The following EIF3H variants were observed in gnomAD, a reference collection of about 807,000 sequenced individuals.
The protein encoded by EIF3H is eukaryotic translation initiation factor 3 subunit H, also known as eIF-3-gamma.
EIF3H carries 26 observed loss-of-function variants against 44.2 expected under a neutral mutation model. The ratio of observed to expected loss-of-function variants is 0.59; its 90% CI spans 0.43 to 0.82. EIF3H has a LOEUF of 0.82. Ranked by LOEUF, EIF3H falls within the 40% of genes least tolerant of loss-of-function variation. The pLI is 0.00. For synonymous variants in EIF3H, 166 were observed against 151.9 expected (o/e 1.09, Z -0.68); for missense variants, 359 against 432.8 (o/e 0.83, Z 1.51).
chr8:116,757,013 A>G (rs886780614), upstream of EIF3H, among the ~76,000 whole-genome samples: 2 of 152,240 alleles, frequency 1.3e-5, no homozygotes, highest in African/African-American at 4.8e-5. Flanking sequence ...CTACTTATAA[A>G]CAATAATACA....
chr8:116,705,302 G>A (rs530775826), intron 2 of EIF3H, among the ~76,000 whole-genome samples: 1 of 152,216 alleles, frequency 6.6e-6, no homozygotes, highest in South Asian at 2.1e-4. Context: ...AAGGAGAAAA[G>A]CTGTTCAAGT....
At chr8:116,706,290 C>A (rs1406683690) in intron 2 of EIF3H, among the ~76,000 whole-genome samples, 1 of 152,186 alleles carries the variant, frequency 6.6e-6, no homozygotes, top group East Asian at 1.9e-4. Context: ...TTTATTCAGA[C>A]AGATTAACCT....
chr8:116,725,978 A>G, intron 2 of EIF3H, 38 bp downstream of exon 2: 1 of 1,594,772 alleles, frequency 6.3e-7, no homozygotes. Context: ...ATCCATTTGT[A>G]TGCACTGCAA....
chr8:116,675,249 G>A (rs1387274888), intron 2 of EIF3H, among the ~76,000 whole-genome samples: 1 of 152,178 alleles, frequency 6.6e-6, no homozygotes, highest in Non-Finnish European at 1.5e-5. Flanking sequence ...ATATGTCACT[G>A]AAATTCCTAT....
At chr8:116,739,243 A>G (rs990329798) in intron 1 of EIF3H, among the ~76,000 whole-genome samples, 3 of 152,260 alleles carry the variant, frequency 2.0e-5, no homozygotes, top group African/African-American at 4.8e-5. Context: ...TCTGCTGCAG[A>G]TAACTAGCCA....
chr8:116,695,956 T>C (rs1174305072), intron 2 of EIF3H, among the ~76,000 whole-genome samples: 1 of 152,224 alleles, frequency 6.6e-6, no homozygotes, highest in Non-Finnish European at 1.5e-5. Context: ...GCTATCAGTG[T>C]AAACTCATGG....
intron 1 of EIF3H, among the ~76,000 whole-genome samples, chr8:116,732,198 C>A (rs1466341936): frequency 6.6e-6 from 1 of 151,976 alleles, no homozygotes; most frequent in Non-Finnish European, 1.5e-5. Flanking sequence ...GAACACAATG[C>A]TACTTTTTAA....
chr8:116,655,099 A>G (rs1207266438), intron 5 of EIF3H, among the ~76,000 whole-genome samples: 1 of 152,032 alleles, frequency 6.6e-6, no homozygotes, highest in Non-Finnish European at 1.5e-5. Flanking sequence ...CACCACAGAC[A>G]AAATAATCAC....
intron 1 of EIF3H, among the ~76,000 whole-genome samples, chr8:116,727,345 G>A (rs954692103): frequency 6.6e-6 from 1 of 152,204 alleles, no homozygotes; most frequent in African/African-American, 2.4e-5. Flanking sequence ...GAAAAAGGGA[G>A]CAAAGGGAAA....
chr8:116,655,732 T>G, intron 5 of EIF3H, 124 bp downstream of exon 5: 1 of 1,020,198 alleles, frequency 9.8e-7, no homozygotes, highest in South Asian at 1.4e-5. Context: ...ATGTTATACA[T>G]GTTTTAAGAA....
Position 116,723,202 on chromosome 8 carries a change from C to A in EIF3H, c.289+2814G>T, listed in dbSNP as rs556006878. ...ACCAACCCAGTAACCAAACAAAAAA[C>A]TTAAACCTCTCAAGCTCCTCACTTG... On this transcript the variant is annotated intron_variant, in intron 2 of 7. Coordinates refer to ENST00000521861, the MANE Select transcript of EIF3H (RefSeq NM_003756.3). Among the ~76,000 whole-genome samples the A allele has an allele frequency of 5.9e-5, 9 of 152,288 alleles. 1 individual carries two copies. The South Asian group carries it at 1.9e-3, about 32-fold the overall frequency.
upstream of EIF3H, among the ~76,000 whole-genome samples, chr8:116,760,064 T>C (rs1047186550): frequency 1.3e-5 from 2 of 152,148 alleles, no homozygotes; most frequent in African/African-American, 2.4e-5. Flanking sequence ...AAGAGGGAAA[T>C]ATATGCTATC....
chr8:116,658,936 T>C lies in EIF3H; in HGVS notation c.334A>G (p.Ile112Val). ...TACCAGCCCACGTGAAGATGATCAA[T>C]GTTTACATGGCGAAGGCTCCGCATC... ...EMMRSLRHVN[I>V]DHLHVGWYQS... is the part of the protein sequence containing the mutation. Residue 112 changes from isoleucine to valine, a missense_variant, in exon 3 of 8, where the codon ATT becomes GTT. Around this residue, in one of 5 missense-constraint regions of EIF3H, gnomAD observed 91 missense variants for 164.6 expected, o/e 0.55. Coordinates refer to ENST00000521861, the MANE Select transcript of EIF3H (RefSeq NM_003756.3). The C allele has an allele frequency of 2.5e-6, 4 of 1,613,566 alleles. No individual in the cohort carries two copies. Among genetic ancestry groups the C allele is most frequent in the Non-Finnish European group, 3.4e-6 (4 of 1,179,698 alleles).
chr8:116,688,992 T>C, intron 2 of EIF3H: 2 of 371,138 alleles, frequency 5.4e-6, no homozygotes, highest in Non-Finnish European at 1.1e-5. Context: ...TCCACACAAT[T>C]TTGTACACAC....
chr8:116,715,456 T>C (rs915741874), intron 2 of EIF3H, among the ~76,000 whole-genome samples: 2 of 152,116 alleles, frequency 1.3e-5, no homozygotes, highest in Non-Finnish European at 2.9e-5. Flanking sequence ...GATATTATTT[T>C]AATTCCCCTA....
At chr8:116,725,899 T>C (rs1307624307) in intron 2 of EIF3H, 117 bp downstream of exon 2, 1 of 1,239,228 alleles carries the variant, frequency 8.1e-7, no homozygotes, top group Non-Finnish European at 1.1e-6. Context: ...AGACATCAAG[T>C]GAAGTAGGCT....
At chr8:116,649,076 T>C (rs1813349947) in intron 5 of EIF3H, 150 bp from the exon 6 acceptor site, 2 of 619,348 alleles carry the variant, frequency 3.2e-6, no homozygotes, top group East Asian at 3.2e-5. Context: ...GAGGAAAAAA[T>C]CTGAGTCAAC....
chr8:116,682,103 T>C (rs747957546), intron 2 of EIF3H, among the ~76,000 whole-genome samples: 3 of 152,138 alleles, frequency 2.0e-5, no homozygotes, highest in Non-Finnish European at 4.4e-5. Flanking sequence ...GCAGCGTCCA[T>C]CCACTACAGA....
In EIF3H at chr8:116,713,669, T is replaced by C. The variant is rs571954108; in HGVS notation, c.289+12347A>G. On this transcript the variant is annotated intron_variant, in intron 2 of 7. Coordinates refer to ENST00000521861, the MANE Select transcript of EIF3H (RefSeq NM_003756.3). ...CTTAATAAACCAAAAACCAAACACA[T>C]AAAGTAAATTTAGGTTTTTAAGTTA... Among the ~76,000 whole-genome samples, 5 of 152,130 alleles carry C rather than the reference T, an allele frequency of 3.3e-5. No homozygotes were observed. The South Asian group carries it at 1.0e-3, about 32-fold the overall frequency.
Sources: gnomAD v4.1 joint callset for allele counts (sites outside exome capture counted in the v4.1 genomes callset) on GRCh38, gnomAD v4.1.1 for gene constraint, gnomAD v4.1.1 regional missense constraint, MANE v1.5 for transcripts, NCBI Gene and HGNC (gene_info 2026-07-23, HGNC 2026-07-21) for gene names.